The following CLDN10 variants were observed in gnomAD, a reference collection of about 807,000 sequenced individuals.
CLDN10 encodes the protein claudin 10.
In CLDN10, 15 loss-of-function variants were observed where a neutral mutation model predicts 22.9. The observed-to-expected ratio is 0.65, with a 90% CI of 0.44 to 1.01. The LOEUF (loss-of-function observed/expected upper bound fraction) is 1.01. CLDN10 is among the 50% of genes least tolerant of loss of function. CLDN10 has a pLI of 0.00. For synonymous variants in CLDN10, 114 were observed against 111.4 expected (o/e 1.02, Z -0.15); for missense variants, 247 against 287.8 (o/e 0.86, Z 1.03).
chr13:95,514,117 G>GTTCT (rs1490214828), intron 1 of CLDN10, among the ~76,000 whole-genome samples: 5 of 152,158 alleles, frequency 3.3e-5, no homozygotes, highest in African/African-American at 1.2e-4. Context: ...AATTAGCCAG[G>GTTCT]CATGGTGGTG....
intron 1 of CLDN10, among the ~76,000 whole-genome samples, chr13:95,467,037 C>T (rs558185848): frequency 8.4e-6 from 1 of 118,986 alleles, no homozygotes; most frequent in African/African-American, 2.9e-5. Flanking sequence ...CCACCATGCC[C>T]GTTTTTTTTT....
intron 1 of CLDN10, among the ~76,000 whole-genome samples, chr13:95,484,508 G>T (rs936939107): frequency 6.6e-6 from 1 of 151,998 alleles, no homozygotes; most frequent in Non-Finnish European, 1.5e-5. Flanking sequence ...GTGTTACAAG[G>T]TCAAGTTTTT....
At chr13:95,550,689 CA>C (rs948764078), upstream of CLDN10, among the ~76,000 whole-genome samples, 4 of 150,500 alleles carry the variant, frequency 2.7e-5, no homozygotes, top group African/African-American at 9.8e-5. Context: ...TGCTGGAGGG[CA>C]AAAAAACAGA....
At chr13:95,525,769 G>A (rs969072480) in intron 1 of CLDN10, among the ~76,000 whole-genome samples, 1 of 152,152 alleles carries the variant, frequency 6.6e-6, no homozygotes, top group Non-Finnish European at 1.5e-5. Context: ...TGGGATTACA[G>A]GGATGAGCTA....
At chr13:95,478,807 G>A (rs1433155736) in intron 1 of CLDN10, among the ~76,000 whole-genome samples, 2 of 152,206 alleles carry the variant, frequency 1.3e-5, no homozygotes, top group Non-Finnish European at 2.9e-5. Context: ...CGACAGGTGG[G>A]ATCATCCTAA....
upstream of CLDN10, among the ~76,000 whole-genome samples, chr13:95,549,790 T>G (rs2043545566): frequency 1.3e-5 from 2 of 152,178 alleles, no homozygotes; most frequent in South Asian, 4.1e-4. Flanking sequence ...ACGACCCTAG[T>G]CTGTTTTAGC....
intron 1 of CLDN10, among the ~76,000 whole-genome samples, chr13:95,542,389 T>C (rs1034037693): frequency 1.6e-4 from 24 of 152,208 alleles, no homozygotes; most frequent in African/African-American, 5.1e-4. Flanking sequence ...TTATTTGATG[T>C]AGAGTATGAA....
At chr13:95,464,499 G>A (rs2042565802) in intron 1 of CLDN10, among the ~76,000 whole-genome samples, 1 of 152,164 alleles carries the variant, frequency 6.6e-6, no homozygotes, top group Non-Finnish European at 1.5e-5. Context: ...TCCAGTCTAT[G>A]ATTGTTGGAC....
At chr13:95,570,583 G>C (rs977062300) in intron 3 of CLDN10, among the ~76,000 whole-genome samples, 4 of 152,036 alleles carry the variant, frequency 2.6e-5, no homozygotes, top group African/African-American at 9.7e-5. Flanking sequence ...GAGAGGAGAA[G>C]GGTGAGGTTT....
At chr13:95,545,955 T>C (rs1027435794) in intron 1 of CLDN10, among the ~76,000 whole-genome samples, 3 of 152,180 alleles carry the variant, frequency 2.0e-5, no homozygotes, top group African/African-American at 7.2e-5. Context: ...GTCTTCTTAC[T>C]GTGTGTGTGG....
At chr13:95,453,347 C>T (rs2042450475) in intron 1 of CLDN10, among the ~76,000 whole-genome samples, 2 of 152,182 alleles carry the variant, frequency 1.3e-5, no homozygotes, top group Admixed American at 6.5e-5. Flanking sequence ...CACCAACAAC[C>T]TCACCCACCA....
intron 3 of CLDN10, among the ~76,000 whole-genome samples, chr13:95,565,958 T>A (rs568903780): frequency 1.3e-5 from 2 of 152,324 alleles, no homozygotes; most frequent in East Asian, 3.9e-4. Context: ...CATGAACTCA[T>A]CCTTTTTTAT....
At chr13:95,437,258 C>A (rs191909209) in intron 1 of CLDN10, among the ~76,000 whole-genome samples, 5 of 152,278 alleles carry the variant, frequency 3.3e-5, no homozygotes, top group Admixed American at 2.0e-4. Context: ...ACAGAGGCCA[C>A]CTTCAACTGT....
intron 1 of CLDN10, among the ~76,000 whole-genome samples, chr13:95,526,421 G>A (rs112020075): frequency 6.6e-6 from 1 of 152,116 alleles, no homozygotes; most frequent in African/African-American, 2.4e-5. Flanking sequence ...TTTGTAATGA[G>A]CCATTTTACT....
intron 1 of CLDN10, among the ~76,000 whole-genome samples, chr13:95,456,643 G>C (rs1254509587): frequency 6.6e-6 from 1 of 152,096 alleles, no homozygotes; most frequent in African/African-American, 2.4e-5. Context: ...CTTAGTCTCA[G>C]TTACTTAAGA....
At chr13:95,559,611 AC>A (rs1465209407) in intron 1 of CLDN10, among the ~76,000 whole-genome samples, 1 of 152,142 alleles carries the variant, frequency 6.6e-6, no homozygotes, top group Non-Finnish European at 1.5e-5. Context: ...GGAAGGTTTG[AC>A]CCTTTGGATC....
At chr13:95,503,903 G>A (rs184917493) in intron 1 of CLDN10, among the ~76,000 whole-genome samples, 115 of 152,138 alleles carry the variant, frequency 7.6e-4, no homozygotes, top group African/African-American at 2.6e-3. Context: ...AGAGTTCTGG[G>A]GACTGGTTGC....
At chr13:95,468,791 G>A (rs1219114339) in intron 1 of CLDN10, among the ~76,000 whole-genome samples, 1 of 151,844 alleles carries the variant, frequency 6.6e-6, no homozygotes, top group Non-Finnish European at 1.5e-5. Flanking sequence ...TCTTAGTCAA[G>A]GTATCTAGGC....
chr13:95,490,419 G>C (rs2042860407), intron 1 of CLDN10, among the ~76,000 whole-genome samples: 1 of 152,090 alleles, frequency 6.6e-6, no homozygotes, highest in Non-Finnish European at 1.5e-5. Context: ...AGTTTTCCTT[G>C]AAGAGGCCTT....
Sources: gnomAD v4.1 joint callset for allele counts (sites outside exome capture counted in the v4.1 genomes callset) on GRCh38, gnomAD v4.1.1 for gene constraint, MANE v1.5 for transcripts, NCBI Gene and HGNC (gene_info 2026-07-23, HGNC 2026-07-21) for gene names.